ANKS1B: variants seen among roughly 807,000 people sequenced by gnomAD.
ANKS1B encodes the protein ankyrin repeat and sterile alpha motif domain containing 1B.
ANKS1B carries 36 observed loss-of-function variants against 148.3 expected under a neutral mutation model. The observed-to-expected ratio is 0.24, with a 90% CI of 0.19 to 0.32. ANKS1B has a LOEUF of 0.32. ANKS1B is among the 10% of genes least tolerant of loss of function. ANKS1B has a pLI of 1.00. For synonymous variants in ANKS1B, 542 were observed against 560.8 expected (o/e 0.97, Z 0.47); for missense variants, 1,157 against 1,542.6 (o/e 0.75, Z 4.19).
chr12:99,274,339 G>T (rs1189950329), intron 12 of ANKS1B, among the ~76,000 whole-genome samples: 9 of 151,962 alleles, frequency 5.9e-5, no homozygotes, highest in Non-Finnish European at 1.3e-4. Flanking sequence ...ACTTATCTCT[G>T]TTTTCTCACA....
chr12:99,831,244 AC>A (rs1326700243), intron 1 of ANKS1B, among the ~76,000 whole-genome samples: 45 of 149,886 alleles, frequency 3.0e-4, no homozygotes, highest in African/African-American at 1.1e-3. Context: ...AAAAAAAAAA[AC>A]CAAACCCATA....
intron 8 of ANKS1B, among the ~76,000 whole-genome samples, chr12:99,672,442 T>G (rs1483027398): frequency 6.6e-6 from 1 of 152,152 alleles, no homozygotes; most frequent in Non-Finnish European, 1.5e-5. Context: ...TATCTGACCC[T>G]GTGCCACTAA....
intron 22 of ANKS1B, chr12:98,794,392 C>A (rs796167646): frequency 0.02 from 1,668 of 84,146 alleles, 50 homozygotes; most frequent in Middle Eastern, 0.045. Flanking sequence ...AACTCTGTCT[C>A]AAAAAAAAAA....
At chr12:98,760,413 G>A (rs1371377250) in intron 25 of ANKS1B, among the ~76,000 whole-genome samples, 2 of 152,080 alleles carry the variant, frequency 1.3e-5, no homozygotes, top group African/African-American at 2.4e-5. Context: ...CACAGGTAAT[G>A]TGTCATCACA....
At chr12:99,068,997 C>A (rs2045438837) in intron 16 of ANKS1B, among the ~76,000 whole-genome samples, 1 of 152,226 alleles carries the variant, frequency 6.6e-6, no homozygotes, top group African/African-American at 2.4e-5. Flanking sequence ...ATATCTATCT[C>A]TGTCTAAAAT....
At chr12:99,155,153 T>A in intron 14 of ANKS1B, 1 of 1,468,694 alleles carries the variant, frequency 6.8e-7, no homozygotes, top group Non-Finnish European at 9.0e-7. Context: ...GCTTGAACTA[T>A]AGCTTATAAC....
chr12:99,954,721 T>C (rs1362087150), intron 1 of ANKS1B, among the ~76,000 whole-genome samples: 1 of 152,114 alleles, frequency 6.6e-6, no homozygotes, highest in Admixed American at 6.5e-5. Flanking sequence ...CTTAGCAATG[T>C]CTAGAGATGA....
chr12:99,935,716 C>G (rs1415733508), intron 1 of ANKS1B, among the ~76,000 whole-genome samples: 4 of 152,056 alleles, frequency 2.6e-5, no homozygotes, highest in Non-Finnish European at 5.9e-5. Context: ...CAGAGAAAAC[C>G]CAATCCCTTT....
chr12:99,667,410 C>T (rs549327541), intron 8 of ANKS1B, among the ~76,000 whole-genome samples: 2 of 149,386 alleles, frequency 1.3e-5, no homozygotes, highest in South Asian at 4.3e-4. Context: ...CTGATAGTTC[C>T]TCATGTAAAA....
At chr12:99,254,503 A>G (rs1275513988) in intron 12 of ANKS1B, among the ~76,000 whole-genome samples, 2 of 152,150 alleles carry the variant, frequency 1.3e-5, no homozygotes, top group Non-Finnish European at 2.9e-5. Context: ...TTACTTCTTG[A>G]CAGAAGAAAG....
chr12:99,464,424 A>G lies in ANKS1B; in HGVS notation c.1439-20615T>C, dbSNP rs548767921. 1.1e-3 allele frequency among the ~76,000 whole-genome samples: 162 copies of G among 152,234 alleles called. 2 individuals are homozygous for G. The highest frequency in any genetic ancestry group is 3.6e-3 in the African/African-American group (149 of 41,574). On this transcript the variant is annotated intron_variant, in intron 10 of 26. Coordinates refer to ENST00000683438, the MANE Select transcript of ANKS1B (RefSeq NM_001352186.2). ...AGGAATGCAGTTCCTCACCAGCAACAGAACAAAGCTGGACGGAGAATGACT... is the reference window on the plus strand; with the variant it reads ...AGGAATGCAGTTCCTCACCAGCAACGGAACAAAGCTGGACGGAGAATGACT...
Position 99,432,175 on chromosome 12 carries a change from G to A in ANKS1B, c.1575+11498C>T, listed in dbSNP as rs143066473. 5.6e-3 allele frequency among the ~76,000 whole-genome samples: 859 copies of A among 152,254 alleles called. 6 individuals carry two copies. Among genetic ancestry groups the A allele is most frequent in the Middle Eastern group, 0.017 (5 of 294 alleles). ...CGATGCTTCTTGTACTTCCCAGCCT[G>A]CAGAAGTGTGAGTTAAATAAGCCTC... On this transcript the variant is annotated intron_variant, in intron 11 of 26. Transcript: ENST00000683438.
At chr12:99,797,665 A>G (rs1028423669) in intron 4 of ANKS1B, among the ~76,000 whole-genome samples, 46 of 146,086 alleles carry the variant, frequency 3.1e-4, no homozygotes, top group Admixed American at 4.8e-4. Context: ...CTTTTAGGGG[A>G]AAAAAAAAAG....
chr12:99,603,671 GA>G (rs1401747300), intron 9 of ANKS1B, among the ~76,000 whole-genome samples: 4 of 149,562 alleles, frequency 2.7e-5, no homozygotes, highest in East Asian at 1.9e-4. Context: ...GGATACAGTA[GA>G]AAAAAAAAGT....
chr12:99,760,660 T>A (rs2062003849), intron 8 of ANKS1B, among the ~76,000 whole-genome samples: 1 of 149,130 alleles, frequency 6.7e-6, no homozygotes, highest in African/African-American at 2.5e-5. Context: ...CAAGAACAAA[T>A]CAGAAGAAAA....
intron 9 of ANKS1B, among the ~76,000 whole-genome samples, chr12:99,581,045 A>G (rs1313555899): frequency 6.6e-6 from 1 of 152,166 alleles, no homozygotes; most frequent in Non-Finnish European, 1.5e-5. Context: ...TATATTATAG[A>G]AATTGATGGG....
intron 22 of ANKS1B, among the ~76,000 whole-genome samples, chr12:98,786,118 A>T (rs1264889141): frequency 6.6e-6 from 1 of 152,190 alleles, no homozygotes; most frequent in Non-Finnish European, 1.5e-5. Context: ...TTTTTACAGC[A>T]TCTTGGTCAC....
intron 14 of ANKS1B, among the ~76,000 whole-genome samples, chr12:99,163,831 A>G (rs2076939176): frequency 6.6e-6 from 1 of 152,174 alleles, no homozygotes; most frequent in African/African-American, 2.4e-5. Flanking sequence ...GTAGTATTCC[A>G]TGATATGGAT....
intron 12 of ANKS1B, among the ~76,000 whole-genome samples, chr12:99,325,345 T>C (rs1275723057): frequency 2.6e-5 from 4 of 152,080 alleles, no homozygotes; most frequent in Admixed American, 1.3e-4. Context: ...GGTGAAATCA[T>C]TGATGCTTTA....
Sources: gnomAD v4.1 joint callset for allele counts (sites outside exome capture counted in the v4.1 genomes callset) on GRCh38, gnomAD v4.1.1 for gene constraint, MANE v1.5 for transcripts, NCBI Gene and HGNC (gene_info 2026-07-23, HGNC 2026-07-21) for gene names.